PAPOLG: variants seen among roughly 807,000 people sequenced by gnomAD.
The protein encoded by PAPOLG is PAP-gamma.
PAPOLG carries 40 observed loss-of-function variants against 99.0 expected under a neutral mutation model. That is an observed-to-expected ratio of 0.40 (90% confidence interval 0.31 to 0.53). PAPOLG has a LOEUF of 0.53. Ranked by LOEUF, PAPOLG falls within the 20% of genes least tolerant of loss-of-function variation. The pLI, the probability that PAPOLG is intolerant of heterozygous loss-of-function variation, is 0.41. For synonymous variants in PAPOLG, 310 were observed against 299.3 expected, an observed-to-expected ratio of 1.04 and a Z score of -0.37; for missense variants, 675 against 884.1, an observed-to-expected ratio of 0.76 and a Z score of 3.00.
chr2:60,774,391 A>T (rs1245638513), intron 7 of PAPOLG, among the ~76,000 whole-genome samples: 2 of 147,676 alleles, frequency 1.4e-5, no homozygotes, highest in African/African-American at 5.0e-5. Flanking sequence ...TTTGAGACAG[A>T]GTCTCACTCT....
At chr2:60,771,453 G>A (rs2103779074) in intron 6 of PAPOLG, 66 bp from the exon 7 acceptor site, 1 of 1,494,694 alleles carries the variant, frequency 6.7e-7, no homozygotes, top group Non-Finnish European at 8.9e-7. Context: ...TTTTTGGTGG[G>A]ATGGGAGAGG....
intron 13 of PAPOLG, 32 bp from the exon 14 acceptor site, chr2:60,786,915 A>G (rs374761653): frequency 1.3e-6 from 2 of 1,592,580 alleles, no homozygotes; most frequent in East Asian, 2.2e-5. Context: ...TAAAGTGGAC[A>G]TAAGATAAAT....
intron 6 of PAPOLG, among the ~76,000 whole-genome samples, 194 bp from the exon 7 acceptor site, chr2:60,771,325 T>C (rs186472187): frequency 4.6e-5 from 7 of 152,322 alleles, no homozygotes; most frequent in Admixed American, 3.9e-4. Context: ...CTTTCATTAA[T>C]TGAAAGTTTA....
At chr2:60,759,740 T>A (rs988909924) in intron 1 of PAPOLG, among the ~76,000 whole-genome samples, 5 of 152,220 alleles carry the variant, frequency 3.3e-5, no homozygotes, top group African/African-American at 9.6e-5. Flanking sequence ...AAAGCTTTAT[T>A]TCAAGTGGTT....
rs1573248897 is a variant in PAPOLG, at chr2:60,786,936, G to T, written c.1167-11G>T. The T allele has an allele frequency of 6.2e-7, 1 of 1,600,572 alleles. No homozygotes were observed. The highest frequency in any genetic ancestry group is 2.2e-5 in the East Asian group (1 of 44,708). Reference sequence around the variant, plus strand: ...GGACATAAGATAAATTGTGTTTGTTGTTTATTTTAGGGTTGGATTAGTAGA... The same window carrying T: ...GGACATAAGATAAATTGTGTTTGTTTTTTATTTTAGGGTTGGATTAGTAGA... On this transcript the variant is annotated splice_polypyrimidine_tract_variant and intron_variant, in intron 13 of 21. Coordinates refer to ENST00000238714, the MANE Select transcript of PAPOLG (RefSeq NM_022894.4).
intron 1 of PAPOLG, among the ~76,000 whole-genome samples, chr2:60,759,483 G>A (rs888128489): frequency 1.3e-5 from 2 of 152,220 alleles, no homozygotes; most frequent in Non-Finnish European, 2.9e-5. Context: ...AAGATTGCCA[G>A]TAGTATAAAG....
At chr2:60,757,723 A>G (rs1302865450) in intron 1 of PAPOLG, among the ~76,000 whole-genome samples, 2 of 152,238 alleles carry the variant, frequency 1.3e-5, no homozygotes. Flanking sequence ...ACAATGTGAC[A>G]GTGAACGTTC....
At chr2:60,759,180 C>T (rs1295859894) in intron 1 of PAPOLG, among the ~76,000 whole-genome samples, 1 of 152,068 alleles carries the variant, frequency 6.6e-6, no homozygotes, top group Non-Finnish European at 1.5e-5. Flanking sequence ...ACCAGCCTGG[C>T]AACATGGCGA....
At chr2:60,758,110 A>T (rs968407633) in intron 1 of PAPOLG, among the ~76,000 whole-genome samples, 2 of 152,214 alleles carry the variant, frequency 1.3e-5, no homozygotes, top group African/African-American at 2.4e-5. Context: ...GAGTGATACT[A>T]TATAGATATG....
chr2:60,781,289 A>G (rs562049428), intron 10 of PAPOLG, among the ~76,000 whole-genome samples: 2 of 152,106 alleles, frequency 1.3e-5, no homozygotes, highest in Non-Finnish European at 2.9e-5. Context: ...CCCCAGAGGC[A>G]CAGGTTGCAG....
intron 15 of PAPOLG, among the ~76,000 whole-genome samples, chr2:60,791,201 A>T (rs559878300): frequency 6.6e-6 from 1 of 152,356 alleles, no homozygotes; most frequent in South Asian, 2.1e-4. Context: ...AAATATATTT[A>T]TTCTATCAAC....
chr2:60,762,865 G>A (rs1478792627), intron 3 of PAPOLG, among the ~76,000 whole-genome samples: 1 of 151,974 alleles, frequency 6.6e-6, no homozygotes, highest in Non-Finnish European at 1.5e-5. Flanking sequence ...GATCTCAGGT[G>A]ATCCGCCTGC....
At chr2:60,775,240 T>TAA in intron 8 of PAPOLG, 117 bp downstream of exon 8, 2 of 1,185,544 alleles carry the variant, frequency 1.7e-6, no homozygotes, top group Non-Finnish European at 2.3e-6. Flanking sequence ...TAAGGGCCAA[T>TAA]AAACTCTGTA....
chr2:60,796,507 T>C (rs970967390), intron 21 of PAPOLG, among the ~76,000 whole-genome samples: 1 of 152,102 alleles, frequency 6.6e-6, no homozygotes, highest in Admixed American at 6.6e-5. Flanking sequence ...TGTCCCTGAA[T>C]TTCATAACCA....
rs772644502 is a variant in PAPOLG at position 60,756,505 on chromosome 2, G to T, written c.17+10G>T. On this transcript the variant is annotated intron_variant, in intron 1 of 21. Coordinates refer to ENST00000238714, the MANE Select transcript of PAPOLG (RefSeq NM_022894.4). ...TGAAAGAGATGTCTGCGTAAGTGGT[G>T]GGGGGCGGCGGTTGGGGTGAGGCGG... 1 of 1,602,268 alleles carries T rather than the reference G, an allele frequency of 6.2e-7. No homozygotes were observed. The highest frequency in any genetic ancestry group is 8.5e-7 in the Non-Finnish European group (1 of 1,174,856).
rs1309920716 is a variant in PAPOLG, at chr2:60,801,287, ATG to A, written c.*4133_*4134del. On this transcript the variant is annotated 3_prime_UTR_variant, in exon 22 of 22. Transcript: ENST00000238714. The stretch of plus-strand genomic sequence containing the variant: ...AAAAACTTTGTATAAATAAAATTGT[ATG>A]TGTGTTCAAATAACTACCTATTAAA... 1 of 152,226 alleles carries A rather than the reference ATG, an allele frequency of 6.6e-6. No homozygotes were observed. The highest frequency in any genetic ancestry group is 1.5e-5 in the Non-Finnish European group (1 of 68,012). 9.4% of individuals were successfully genotyped at this position (152,226 alleles called of 1,614,324 possible). A position where few individuals can be genotyped will look rare whatever the true frequency, so the allele number is the denominator to read the frequency against.
chr2:60,763,707 A>G (rs567966225), intron 3 of PAPOLG, among the ~76,000 whole-genome samples: 1 of 146,772 alleles, frequency 6.8e-6, no homozygotes, highest in African/African-American at 2.5e-5. Flanking sequence ...TTTCACCATA[A>G]TGGTCAGGCT....
intron 1 of PAPOLG, among the ~76,000 whole-genome samples, chr2:60,758,488 C>T (rs1177169): frequency 2.9e-5 from 4 of 138,640 alleles, no homozygotes; most frequent in African/African-American, 8.3e-5. Context: ...AGTGTGGTGG[C>T]GCGATCTTGG....
intron 3 of PAPOLG, among the ~76,000 whole-genome samples, chr2:60,764,433 T>G (rs76170658): frequency 1.3e-5 from 2 of 151,584 alleles, no homozygotes; most frequent in African/African-American, 4.8e-5. Flanking sequence ...TTTTTTTTTT[T>G]GGCGATGGGC....
Sources: gnomAD v4.1 joint callset for allele counts (sites outside exome capture counted in the v4.1 genomes callset) on GRCh38, gnomAD v4.1.1 for gene constraint, MANE v1.5 for transcripts, NCBI Gene and HGNC (gene_info 2026-07-23, HGNC 2026-07-21) for gene names.